Variants in CYP20A1 observed in about 807,000 individuals in gnomAD.
The protein encoded by CYP20A1 is cytochrome P450 family 20 subfamily A member 1, also known as cytochrome P450 20A1.
Under a neutral mutation model 61.4 loss-of-function variants are expected in CYP20A1, and 61 were observed. The observed-to-expected ratio is 0.99, with a 90% CI of 0.81 to 1.23. The LOEUF (loss-of-function observed/expected upper bound fraction) is 1.23. Ranked by LOEUF, CYP20A1 falls within the 50% of genes most tolerant of loss-of-function variation. The pLI, the probability that CYP20A1 is intolerant of heterozygous loss-of-function variation, is 0.00. For synonymous variants in CYP20A1, 193 were observed against 188.2 expected (o/e 1.03, Z -0.21); for missense variants, 530 against 542.4 (o/e 0.98, Z 0.23).
intron 3 of CYP20A1, among the ~76,000 whole-genome samples, chr2:203,248,349 C>A (rs574450268): frequency 9.5e-4 from 145 of 152,282 alleles, no homozygotes; most frequent in African/African-American, 2.8e-3. Flanking sequence ...GCCTGGCCAA[C>A]ATGGTAAAAC....
At chr2:203,264,721 T>G (rs930061528) in intron 4 of CYP20A1, among the ~76,000 whole-genome samples, 8 of 152,110 alleles carry the variant, frequency 5.3e-5, no homozygotes, top group Non-Finnish European at 1.2e-4. Flanking sequence ...TTTTATATTT[T>G]TTTTATATTT....
intron 9 of CYP20A1, among the ~76,000 whole-genome samples, chr2:203,288,696 T>TA (rs1412340601): frequency 6.6e-6 from 1 of 152,224 alleles, no homozygotes; most frequent in Admixed American, 6.5e-5. Flanking sequence ...CTTCTGTGCT[T>TA]ACATCTTTAC....
At chr2:203,271,180 C>T (rs1177162533) in intron 5 of CYP20A1, among the ~76,000 whole-genome samples, 9 of 146,030 alleles carry the variant, frequency 6.2e-5, no homozygotes, top group South Asian at 2.2e-4. Flanking sequence ...CTCCGCCTCC[C>T]GGGTTCACGC....
chr2:203,279,717 G>A (rs530176171), intron 7 of CYP20A1, among the ~76,000 whole-genome samples: 52 of 152,266 alleles, frequency 3.4e-4, no homozygotes, highest in Middle Eastern at 6.8e-3. Flanking sequence ...AAATAGGACC[G>A]AGTTTGTTTA....
chr2:203,261,279 T>G (rs1371209453), intron 4 of CYP20A1, among the ~76,000 whole-genome samples: 1 of 151,846 alleles, frequency 6.6e-6, no homozygotes, highest in East Asian at 1.9e-4. Flanking sequence ...GGAATACAGC[T>G]GGGCACAGTA....
intron 5 of CYP20A1, among the ~76,000 whole-genome samples, chr2:203,267,925 A>G (rs2067397718): frequency 6.6e-6 from 1 of 151,054 alleles, no homozygotes; most frequent in Non-Finnish European, 1.5e-5. Context: ...GCATATTTTT[A>G]TGCTGATGTT....
chr2:203,285,991 TAGAC>T (rs929768764), intron 9 of CYP20A1, among the ~76,000 whole-genome samples: 44 of 152,264 alleles, frequency 2.9e-4, no homozygotes, highest in Admixed American at 7.2e-4. Context: ...TCATAAAAAA[TAGAC>T]AGCCACATTA....
chr2:203,273,654 G>C (rs1264196636), intron 6 of CYP20A1, among the ~76,000 whole-genome samples: 7 of 151,978 alleles, frequency 4.6e-5, no homozygotes, highest in Non-Finnish European at 8.8e-5. Context: ...TAAAAAATTA[G>C]CAACATAGGC....
At chr2:203,275,820 G>C (rs932255104) in intron 6 of CYP20A1, among the ~76,000 whole-genome samples, 1 of 152,152 alleles carries the variant, frequency 6.6e-6, no homozygotes, top group Non-Finnish European at 1.5e-5. Flanking sequence ...TGATATCCTG[G>C]CATGTTTTAG....
At chr2:203,246,687 T>G in intron 2 of CYP20A1, 68 bp from the exon 3 acceptor site, 1 of 1,469,886 alleles carries the variant, frequency 6.8e-7, no homozygotes, top group South Asian at 1.2e-5. Context: ...TAATTCAGAG[T>G]CAACTGTTGT....
chr2:203,257,932 C>T (rs537432889), intron 4 of CYP20A1, among the ~76,000 whole-genome samples: 19 of 50,846 alleles, frequency 3.7e-4, no homozygotes, highest in African/African-American at 7.5e-4. Context: ...GTCAAGGTCT[C>T]GCACTGTTGC....
chr2:203,274,865 TG>T (rs1194174599), intron 6 of CYP20A1, among the ~76,000 whole-genome samples: 1 of 152,236 alleles, frequency 6.6e-6, no homozygotes, highest in Non-Finnish European at 1.5e-5. Flanking sequence ...TCAGAAATAT[TG>T]GTTAAATTAA....
rs2066447458 is a variant in CYP20A1, at chr2:203,246,004, G to C, written c.122+109G>C. On this transcript the variant is annotated intron_variant, in intron 2 of 12. Transcript: ENST00000356079. ...GGTAGCTGTTGCCAGCTACTGAGGA[G>C]GTTGAGGTGGAAGATCGCTTGAGGC... is the stretch of plus-strand genomic sequence containing the variant. 1.7e-5 allele frequency: 12 copies of C among 714,358 alleles called. No individual in the cohort carries two copies. In the South Asian group the frequency reaches 2.3e-4, roughly 14 times the overall value. The allele number at this position is 714,358 out of a possible 1,614,324, so 44.3% of individuals were successfully genotyped here.
chr2:203,271,075 TA>T lies in CYP20A1; in HGVS notation c.601-1594del, dbSNP rs2067565456. Among the ~76,000 whole-genome samples the T allele has an allele frequency of 1.6e-3, 120 of 75,352 alleles. 1 individual carries two copies. The highest frequency in any genetic ancestry group is 3.5e-3 in the African/African-American group (73 of 20,842). 49.4% of individuals were successfully genotyped at this position (75,352 alleles called of 152,430 possible). A position where few individuals can be genotyped will look rare whatever the true frequency, so the allele number is the denominator to read the frequency against. On this transcript the variant is annotated intron_variant, in intron 5 of 12. Coordinates refer to ENST00000356079, the MANE Select transcript of CYP20A1 (RefSeq NM_177538.3). ...ATGTGTATATATATATATATATATATATATATATTTTTTTTTTTTTTTTTTT... is the reference window on the plus strand; with the variant it reads ...ATGTGTATATATATATATATATATATTATATATTTTTTTTTTTTTTTTTTT...
intron 7 of CYP20A1, among the ~76,000 whole-genome samples, 170 bp from the exon 8 acceptor site, chr2:203,279,889 G>T (rs571170110): frequency 4.1e-4 from 63 of 152,014 alleles, no homozygotes; most frequent in Non-Finnish European, 5.0e-4. Context: ...TATTTAGGTT[G>T]GTATTCACAT....
chr2:203,242,748 G>C (rs1323552996), intron 1 of CYP20A1, among the ~76,000 whole-genome samples: 1 of 151,494 alleles, frequency 6.6e-6, no homozygotes, highest in African/African-American at 2.4e-5. Flanking sequence ...CCAAGATGGC[G>C]CCATTGCACT....
At chr2:203,291,017 C>G (rs1244875084) in intron 10 of CYP20A1, among the ~76,000 whole-genome samples, 1 of 151,968 alleles carries the variant, frequency 6.6e-6, no homozygotes, top group East Asian at 1.9e-4. Flanking sequence ...TATACTGGTA[C>G]AGGTGTTGAG....
rs1238200769 is a variant in CYP20A1, at chr2:203,305,852, A to C, written c.*8944A>C. On this transcript the variant is annotated 3_prime_UTR_variant, in exon 13 of 13. Coordinates refer to ENST00000356079, the MANE Select transcript of CYP20A1 (RefSeq NM_177538.3). The stretch of plus-strand genomic sequence containing the variant: ...AATTATTAATGTTACTTAATAGTTT[A>C]AAAAAATTCAGAAGCCAAGCTATCC... Among the ~76,000 whole-genome samples the C allele has an allele frequency of 6.6e-6, 1 of 152,176 alleles. No homozygotes were observed. Among genetic ancestry groups the C allele is most frequent in the Non-Finnish European group, 1.5e-5 (1 of 68,026 alleles).
Position 203,280,114 on chromosome 2 carries a change from G to C in CYP20A1, c.850+1G>C, listed in dbSNP as rs752535131. 1 of 1,601,322 alleles carries C rather than the reference G, an allele frequency of 6.2e-7. No individual in the cohort carries two copies. Among genetic ancestry groups the C allele is most frequent in the Admixed American group, 1.7e-5 (1 of 59,264 alleles). On this transcript the variant is annotated splice_donor_variant, in intron 8 of 12. Coordinates refer to ENST00000356079, the MANE Select transcript of CYP20A1 (RefSeq NM_177538.3). LOFTEE classifies it high-confidence loss of function. ...GCCAGTTGCATAATAACTGCAAAAT[G>C]TAAGTATAAATTGATTTCTTTTTCA...
Sources: gnomAD v4.1 joint callset for allele counts (sites outside exome capture counted in the v4.1 genomes callset) on GRCh38, gnomAD v4.1.1 for gene constraint, MANE v1.5 for transcripts, NCBI Gene and HGNC (gene_info 2026-07-23, HGNC 2026-07-21) for gene names.